The following IPO11 variants were observed in gnomAD, a reference collection of about 807,000 sequenced individuals.
The protein encoded by IPO11 is importin 11, also known as importin-11.
Under a neutral mutation model 143.2 loss-of-function variants are expected in IPO11, and 66 were observed. The observed-to-expected ratio is 0.46, with a 90% CI of 0.38 to 0.57. The LOEUF is 0.57. Ranked by LOEUF, IPO11 falls within the 20% of genes least tolerant of loss-of-function variation. The pLI is 0.00. For synonymous variants in IPO11, 385 were observed against 377.8 expected (o/e 1.02, Z -0.22); for missense variants, 1,026 against 1,141.0 (o/e 0.90, Z 1.45).
intron 27 of IPO11, among the ~76,000 whole-genome samples, chr5:62,569,853 C>T (rs1224576309): frequency 2.6e-5 from 4 of 152,146 alleles, no homozygotes; most frequent in Non-Finnish European, 5.9e-5. Flanking sequence ...ATAATCTTTA[C>T]ATTATGTATG....
At chr5:62,418,244 C>T (rs568737390) in intron 1 of IPO11, among the ~76,000 whole-genome samples, 10 of 151,904 alleles carry the variant, frequency 6.6e-5, no homozygotes, top group African/African-American at 2.4e-4. Context: ...CGGCTCACTG[C>T]GACCTCCGCC....
At chr5:62,610,336 A>G (rs558066450) in intron 29 of IPO11, among the ~76,000 whole-genome samples, 29 of 152,150 alleles carry the variant, frequency 1.9e-4, no homozygotes, top group African/African-American at 6.7e-4. Flanking sequence ...AAGTTTGTAG[A>G]TAGATAATAG....
intron 27 of IPO11, among the ~76,000 whole-genome samples, chr5:62,566,051 C>G (rs1743927474): frequency 6.6e-6 from 1 of 152,118 alleles, no homozygotes; most frequent in Non-Finnish European, 1.5e-5. Flanking sequence ...GGGTTGGTTA[C>G]ATGTTTTCGT....
intron 7 of IPO11, among the ~76,000 whole-genome samples, chr5:62,472,671 G>C (rs957709314): frequency 1.3e-5 from 2 of 151,954 alleles, no homozygotes; most frequent in African/African-American, 2.4e-5. Flanking sequence ...GGGGTTACAG[G>C]TGCCTGCCAC....
chr5:62,511,763 T>A (rs934286782), intron 19 of IPO11, among the ~76,000 whole-genome samples: 29 of 148,914 alleles, frequency 1.9e-4, no homozygotes, highest in African/African-American at 3.4e-4. Context: ...TATTTTTATT[T>A]TTTTTTTTAG....
rs904638023 is a variant in IPO11 at position 62,425,334 on chromosome 5, C to G, written c.-6-11940C>G. 3.3e-5 allele frequency among the ~76,000 whole-genome samples: 5 copies of G among 152,082 alleles called. No homozygotes were observed. In the South Asian group the frequency reaches 6.2e-4, roughly 19 times the overall value. ...TTCAATTTATTTTATTTTATTTTTTCAAGACGGAGTTTTGCTGTTGTTGCC... is the reference window on the plus strand; with the variant it reads ...TTCAATTTATTTTATTTTATTTTTTGAAGACGGAGTTTTGCTGTTGTTGCC... On this transcript the variant is annotated intron_variant, in intron 1 of 29. Coordinates refer to ENST00000325324, the MANE Select transcript of IPO11 (RefSeq NM_016338.5).
intron 19 of IPO11, 146 bp from the exon 20 acceptor site, chr5:62,515,242 C>T (rs575051031): frequency 3.1e-5 from 13 of 418,216 alleles, no homozygotes; most frequent in African/African-American, 2.0e-4. Context: ...AATTTTATTT[C>T]TTAAGGGTAT....
chr5:62,413,976 T>C (rs1437920628), intron 1 of IPO11, among the ~76,000 whole-genome samples: 4 of 152,246 alleles, frequency 2.6e-5, no homozygotes, highest in African/African-American at 9.6e-5. Flanking sequence ...GTATTTTCTC[T>C]GTTTCTGCAG....
In IPO11 at chr5:62,435,118, G is replaced by A. The variant is rs201455254; in HGVS notation, c.-6-2156G>A. 3.2e-3 allele frequency among the ~76,000 whole-genome samples: 195 copies of A among 60,684 alleles called. 12 individuals are homozygous for A. The highest frequency in any genetic ancestry group is 0.027 in the Admixed American group (166 of 6,080). 39.8% of individuals were successfully genotyped at this position (60,684 alleles called of 152,430 possible). ...TATATATGTATATATATGTATATAT[G>A]TATATATGTATATATATGTATATAT... is the stretch of plus-strand genomic sequence containing the variant. On this transcript the variant is annotated intron_variant, in intron 1 of 29. Coordinates refer to ENST00000325324, the MANE Select transcript of IPO11 (RefSeq NM_016338.5).
At chr5:62,443,991 C>A (rs1744608955) in intron 3 of IPO11, among the ~76,000 whole-genome samples, 2 of 152,120 alleles carry the variant, frequency 1.3e-5, no homozygotes, top group Non-Finnish European at 2.9e-5. Flanking sequence ...CTGAATACTT[C>A]AAAATGCATA....
intron 24 of IPO11, 144 bp from the exon 25 acceptor site, chr5:62,550,223 T>C (rs1354683308): frequency 1.8e-6 from 1 of 553,206 alleles, no homozygotes; most frequent in Non-Finnish European, 3.2e-6. Flanking sequence ...GTGTCTAGTG[T>C]CAGAATATTG....
At chr5:62,528,520 G>T (rs552672807) in intron 21 of IPO11, among the ~76,000 whole-genome samples, 6 of 152,220 alleles carry the variant, frequency 3.9e-5, no homozygotes, top group African/African-American at 1.4e-4. Flanking sequence ...AGGCTGGATT[G>T]AGAGAGTGGG....
In IPO11 at chr5:62,558,601, C is replaced by T. The variant is rs190620345; in HGVS notation, c.2461-2535C>T. 3.8e-4 allele frequency among the ~76,000 whole-genome samples: 58 copies of T among 152,036 alleles called. 1 individual carries two copies. The highest frequency in any genetic ancestry group is 1.3e-3 in the African/African-American group (56 of 41,494). On this transcript the variant is annotated intron_variant, in intron 26 of 29. Coordinates refer to ENST00000325324, the MANE Select transcript of IPO11 (RefSeq NM_016338.5). ...TGGCAAAAGTAAAGAATTTTTGCAACAGTCAGGGAAAAAAGTAAAGTATCA... is the reference window on the plus strand; with the variant it reads ...TGGCAAAAGTAAAGAATTTTTGCAATAGTCAGGGAAAAAAGTAAAGTATCA...
rs745795199 is a variant in IPO11, at chr5:62,533,952, T to TA, written c.2090-2735dup. On this transcript the variant is annotated intron_variant, in intron 22 of 29. Transcript: ENST00000325324. ...GCAACAGAACAAGATGCTTTCTCTTTAAAAAAAAAAAAAAAGAAAGCCACT... is the reference window on the plus strand; with the variant it reads ...GCAACAGAACAAGATGCTTTCTCTTTAAAAAAAAAAAAAAAAGAAAGCCACT... Among the ~76,000 whole-genome samples the TA allele has an allele frequency of 3.0e-3, 177 of 58,706 alleles. 2 individuals carry two copies. The highest frequency in any genetic ancestry group is 7.8e-3 in the South Asian group (12 of 1,546). The allele number at this position is 58,706 out of a possible 152,430, so 38.5% of individuals were successfully genotyped here.
chr5:62,614,863 G>T (rs886092847), intron 29 of IPO11, among the ~76,000 whole-genome samples: 2 of 152,160 alleles, frequency 1.3e-5, no homozygotes, highest in Non-Finnish European at 2.9e-5. Context: ...GAATGTGGGG[G>T]TTTTATTGAC....
rs185225834 is a variant in IPO11, at chr5:62,518,686, G to A, written c.1896+3185G>A. On this transcript the variant is annotated intron_variant, in intron 20 of 29. Transcript: ENST00000325324. ...ACTGCTATCTTTTGGCTTTTGACACGTAACAGACATTGGTGTAAGTTTCTG... is the reference window on the plus strand; with the variant it reads ...ACTGCTATCTTTTGGCTTTTGACACATAACAGACATTGGTGTAAGTTTCTG... Among the ~76,000 whole-genome samples the A allele has an allele frequency of 5.9e-5, 9 of 152,160 alleles. No individual in the cohort carries two copies. In the East Asian group the frequency reaches 1.7e-3, roughly 29 times the overall value.
chr5:62,511,258 C>T (rs955973037), intron 19 of IPO11, among the ~76,000 whole-genome samples: 1 of 152,056 alleles, frequency 6.6e-6, no homozygotes, highest in African/African-American at 2.4e-5. Flanking sequence ...CCTCATTTTC[C>T]TTACCAGTAG....
chr5:62,486,620 T>A (rs1746415865), intron 12 of IPO11, among the ~76,000 whole-genome samples: 1 of 152,212 alleles, frequency 6.6e-6, no homozygotes, highest in Non-Finnish European at 1.5e-5. Context: ...ATTTACATAA[T>A]TAGCTATTTG....
intron 24 of IPO11, among the ~76,000 whole-genome samples, chr5:62,549,503 C>G (rs775968866): frequency 6.6e-6 from 1 of 152,130 alleles, no homozygotes; most frequent in Non-Finnish European, 1.5e-5. Context: ...TGTCAGTAGT[C>G]CATCTTGAGA....
Sources: allele counts gnomAD v4.1 joint callset (sites outside exome capture counted in the v4.1 genomes callset), GRCh38; gene constraint gnomAD v4.1.1; transcripts MANE v1.5; gene names NCBI Gene and HGNC (gene_info 2026-07-23, HGNC 2026-07-21).